Variants in C10orf143 observed in about 807,000 individuals in gnomAD.
C10orf143 encodes the protein uncharacterized protein C10orf143.
intron 1 of C10orf143, among the ~76,000 whole-genome samples, chr10:130,085,291 T>TA (rs1861273585): frequency 6.6e-6 from 1 of 152,204 alleles, no homozygotes; most frequent in Non-Finnish European, 1.5e-5. Flanking sequence ...TTACCGTGGA[T>TA]AAAACCATCG....
At chr10:130,036,118 G>GT (rs1201591505) in intron 3 of C10orf143, 2 of 152,254 alleles carry the variant, frequency 1.3e-5, no homozygotes, top group African/African-American at 2.4e-5. Context: ...CACACTGGGA[G>GT]TTAAGGCTTC....
chr10:130,090,315 C>T (rs1441913333), intron 1 of C10orf143, among the ~76,000 whole-genome samples: 2 of 152,156 alleles, frequency 1.3e-5, no homozygotes, highest in South Asian at 2.1e-4. Flanking sequence ...CAAGGGGTCA[C>T]GGAACTCCCT....
At chr10:130,107,848 T>C (rs758990468) in intron 1 of C10orf143, 1 of 1,252,834 alleles carries the variant, frequency 8.0e-7, no homozygotes, top group African/African-American at 1.5e-5. Flanking sequence ...AACAGGACCG[T>C]AGGATGATGT....
chr10:130,093,051 C>T (rs190048837), intron 1 of C10orf143, among the ~76,000 whole-genome samples: 2 of 152,262 alleles, frequency 1.3e-5, no homozygotes, highest in African/African-American at 4.8e-5. Context: ...TTGAACTCAG[C>T]TCTCGACTAA....
intron 1 of C10orf143, among the ~76,000 whole-genome samples, chr10:130,088,667 T>G (rs1861331829): frequency 6.6e-6 from 1 of 152,204 alleles, no homozygotes; most frequent in Non-Finnish European, 1.5e-5. Flanking sequence ...AAGTTACTTC[T>G]GCAGGATGGA....
chr10:130,072,696 G>A (rs1861053117), intron 3 of C10orf143, among the ~76,000 whole-genome samples: 1 of 152,168 alleles, frequency 6.6e-6, no homozygotes. Flanking sequence ...GGCAGGCTTG[G>A]TTGCAGAACA....
chr10:130,110,025 CAG>C (rs139612617), intron 1 of C10orf143, among the ~76,000 whole-genome samples: 11,903 of 152,188 alleles, frequency 0.078, 545 homozygotes, highest in Non-Finnish European at 0.1. Flanking sequence ...GTACTTCTTT[CAG>C]TGCCCCTAAG....
intron 1 of C10orf143, 122 bp downstream of exon 1, chr10:130,110,582 C>T (rs1005938385): frequency 6.0e-5 from 24 of 397,280 alleles, no homozygotes; most frequent in African/African-American, 4.5e-4. Context: ...CGCGAGCGTG[C>T]GAGTGTCTTG....
chr10:130,042,154 G>A (rs1328625845), intron 3 of C10orf143, among the ~76,000 whole-genome samples: 1 of 152,238 alleles, frequency 6.6e-6, no homozygotes, highest in Non-Finnish European at 1.5e-5. Context: ...AGCTCTGTGG[G>A]CTTCATGTGG....
intron 3 of C10orf143, among the ~76,000 whole-genome samples, chr10:130,073,257 T>C (rs966292175): frequency 1.3e-5 from 2 of 152,328 alleles, no homozygotes; most frequent in African/African-American, 2.4e-5. Context: ...AGGACTTCAA[T>C]GGGCTGCAAC....
rs535479980 is a variant in C10orf143 at position 130,079,198 on chromosome 10, A to G, written c.297+368T>C. On this transcript the variant is annotated intron_variant, in intron 3 of 3. Coordinates refer to ENST00000637128, the MANE Select transcript of C10orf143 (RefSeq NM_001355042.2). ...AGAAACATGCAAGAAAAGCATAAAC[A>G]GGGAAAAGAAAAAAGCAATGTTGAT... Among the ~76,000 whole-genome samples the G allele has an allele frequency of 3.3e-5, 5 of 152,364 alleles. No individual in the cohort carries two copies. The South Asian group carries it at 1.0e-3, about 32-fold the overall frequency.
At chr10:130,069,715 A>G (rs1285303603) in intron 3 of C10orf143, among the ~76,000 whole-genome samples, 1 of 152,156 alleles carries the variant, frequency 6.6e-6, no homozygotes, top group African/African-American at 2.4e-5. Flanking sequence ...GGCTCAGGCA[A>G]TCCTCCTGTC....
intron 3 of C10orf143, among the ~76,000 whole-genome samples, chr10:130,050,093 C>T (rs571141524): frequency 2.0e-5 from 3 of 152,278 alleles, no homozygotes; most frequent in South Asian, 2.1e-4. Context: ...AAACGGGAGG[C>T]GGGGCAGGAT....
At chr10:130,049,938 G>A (rs1292938075) in intron 3 of C10orf143, among the ~76,000 whole-genome samples, 1 of 152,224 alleles carries the variant, frequency 6.6e-6, no homozygotes, top group African/African-American at 2.4e-5. Context: ...AGAGAAAGAG[G>A]AAAATACACC....
Position 130,052,313 on chromosome 10 carries a change from G to A in C10orf143, c.298-16343C>T, listed in dbSNP as rs988875374. 1.6e-4 allele frequency among the ~76,000 whole-genome samples: 25 copies of A among 152,106 alleles called. 1 individual carries two copies. Among genetic ancestry groups the A allele is most frequent in the African/African-American group, 4.6e-4 (19 of 41,418 alleles). ...GTCCATGTACCCCACACAGGACAGC[G>A]GTCACCCCTGGGCCACCCAATCATG... On this transcript the variant is annotated intron_variant and NMD_transcript_variant, in intron 3 of 5. Coordinates refer to the C10orf143 transcript ENST00000643056.
At chr10:130,109,417 C>T (rs1290086897) in intron 1 of C10orf143, among the ~76,000 whole-genome samples, 2 of 152,102 alleles carry the variant, frequency 1.3e-5, no homozygotes, top group Non-Finnish European at 2.9e-5. Context: ...ACCAGCCCTA[C>T]GCCTATATTT....
chr10:130,102,021 C>G (rs1861565851), intron 1 of C10orf143, among the ~76,000 whole-genome samples: 1 of 151,942 alleles, frequency 6.6e-6, no homozygotes, highest in African/African-American at 2.4e-5. Flanking sequence ...GATCCCAACA[C>G]TTTGGGAGGC....
intron 3 of C10orf143, among the ~76,000 whole-genome samples, chr10:130,052,120 A>G (rs2134733305): frequency 7.2e-6 from 1 of 139,134 alleles, no homozygotes; most frequent in African/African-American, 2.7e-5. Flanking sequence ...CACCTAGTTA[A>G]GAGTCTCATC....
At chr10:130,042,979 C>T (rs1244400538) in intron 3 of C10orf143, among the ~76,000 whole-genome samples, 1 of 152,228 alleles carries the variant, frequency 6.6e-6, no homozygotes, top group African/African-American at 2.4e-5. Context: ...TACCTTAATA[C>T]ACTCCAGGAA....
Sources: allele counts gnomAD v4.1 joint callset (sites outside exome capture counted in the v4.1 genomes callset), GRCh38; gene constraint gnomAD v4.1.1; transcripts MANE v1.5; gene names NCBI Gene and HGNC (gene_info 2026-07-23, HGNC 2026-07-21).